Variants in SLC9A8 observed in about 807,000 individuals in gnomAD.
The protein encoded by SLC9A8 is sodium/hydrogen exchanger 8.
A neutral mutation model predicts 66.6 loss-of-function variants in SLC9A8; 48 were observed. That is an observed-to-expected ratio of 0.72 (90% CI 0.57 to 0.92). The LOEUF is 0.92. SLC9A8 is among the 40% of genes least tolerant of loss of function. SLC9A8 has a pLI of 0.00. For synonymous variants in SLC9A8, 274 were observed against 282.6 expected (o/e 0.97, Z 0.31); for missense variants, 599 against 747.3 (o/e 0.80, Z 2.31).
chr20:49,849,306 C>T (rs73271120), intron 5 of SLC9A8, among the ~76,000 whole-genome samples: 2,756 of 152,088 alleles, frequency 0.018, 80 homozygotes, highest in African/African-American at 0.059. Context: ...TCTGGAAAGA[C>T]GGGAGAGTGG....
rs778911260 is a variant in SLC9A8 at position 49,855,548 on chromosome 20, T to A, written c.680T>A (p.Ile227Asn). ...VLNMLVFGES[I>N]LNDAVSIVLT... ...AACATGCTGGTCTTTGGAGAAAGTA[T>A]TCTCAACGATGCAGTCTCCATTGTT... Residue 227 changes from isoleucine to asparagine, a missense_variant, in exon 8 of 16, where the codon ATT (isoleucine) becomes AAT (asparagine). By Grantham distance (149) the Ile-to-Asn change is moderately radical. Around this residue, in one of 2 missense-constraint regions of SLC9A8, gnomAD observed 467 missense variants for 626.5 expected, o/e 0.75. Transcript: ENST00000361573. 8 of 1,614,098 alleles carry A rather than the reference T, an allele frequency of 5.0e-6. No individual in the cohort carries two copies. The highest frequency in any genetic ancestry group is 1.7e-5 in the Admixed American group (1 of 60,012).
intron 3 of SLC9A8, among the ~76,000 whole-genome samples, chr20:49,828,131 A>C (rs1283137405): frequency 7.6e-6 from 1 of 132,294 alleles, no homozygotes; most frequent in Non-Finnish European, 1.5e-5. Context: ...CCCAGGCTGG[A>C]GTGCAATGGC....
chr20:49,824,444 A>G lies in SLC9A8; in HGVS notation c.289+1303A>G, dbSNP rs140050327. 4.5e-3 allele frequency among the ~76,000 whole-genome samples: 685 copies of G among 152,320 alleles called. 8 individuals carry two copies. Among genetic ancestry groups the G allele is most frequent in the African/African-American group, 0.016 (661 of 41,574 alleles). ...TGACTAATACCCATAATTCTGGGAC[A>G]TTCGGTAAAGGCTCTAAGAACTACT... On this transcript the variant is annotated intron_variant, in intron 3 of 15. Transcript: ENST00000361573.
In SLC9A8 at chr20:49,887,953, T is replaced by C; in HGVS notation, c.*17T>C. 2.5e-6 allele frequency: 4 copies of C among 1,601,500 alleles called. No homozygotes were observed. On this transcript the variant is annotated 3_prime_UTR_variant, in exon 16 of 16. Transcript: ENST00000361573. ...CTGCTCTGACGCCAGGTGCCAAGGC[T>C]TCAGGCAGGCAGGCCCAGGATGGGC...
At chr20:49,831,905 T>A (rs1247007623) in intron 3 of SLC9A8, among the ~76,000 whole-genome samples, 1 of 152,164 alleles carries the variant, frequency 6.6e-6, no homozygotes, top group South Asian at 2.1e-4. Context: ...AGTGGGCGCT[T>A]GCCCCGCCCT....
At chr20:49,823,638 T>C (rs2086820109) in intron 3 of SLC9A8, among the ~76,000 whole-genome samples, 1 of 152,096 alleles carries the variant, frequency 6.6e-6, no homozygotes, top group East Asian at 1.9e-4. Flanking sequence ...CTGTTTTGTT[T>C]CCTGTGCCAA....
chr20:49,846,680 G>A (rs1323577250), intron 5 of SLC9A8, among the ~76,000 whole-genome samples: 2 of 152,042 alleles, frequency 1.3e-5, no homozygotes, highest in African/African-American at 2.4e-5. Context: ...TTGAGAGGCC[G>A]AGGTGGGTGG....
At chr20:49,864,241 C>T (rs1254675438) in intron 9 of SLC9A8, among the ~76,000 whole-genome samples, 1 of 152,152 alleles carries the variant, frequency 6.6e-6, no homozygotes, top group Admixed American at 6.5e-5. Flanking sequence ...AACAGGGCCT[C>T]GAACCTCAGT....
At chr20:49,818,474 A>G (rs952062646) in intron 2 of SLC9A8, among the ~76,000 whole-genome samples, 1 of 147,502 alleles carries the variant, frequency 6.8e-6, no homozygotes, top group African/African-American at 2.5e-5. Flanking sequence ...ATATCCAAAC[A>G]TTGAATTTTT....
chr20:49,867,019 G>A (rs1038373052), intron 10 of SLC9A8, among the ~76,000 whole-genome samples: 3 of 152,142 alleles, frequency 2.0e-5, no homozygotes, highest in Non-Finnish European at 4.4e-5. Flanking sequence ...TGGAGCATAT[G>A]AAACATAGAA....
At position 49,884,259 on chromosome 20, in the gene SLC9A8, G is replaced by GACACACACAC. The variant is rs57704874; in HGVS notation, c.1491+198_1491+207dup. ...ACACACACGACACACACACACACAC[G>GACACACACAC]ACACACACACACACGACACACACAC... On this transcript the variant is annotated intron_variant, in intron 14 of 15. Transcript: ENST00000361573. 4.5e-4 allele frequency: 59 copies of GACACACACAC among 130,234 alleles called. 2 individuals are homozygous for GACACACACAC. The highest frequency in any genetic ancestry group is 3.3e-3 in the African/African-American group (25 of 7,636). 8.1% of individuals were successfully genotyped at this position (130,234 alleles called of 1,614,324 possible).
At chr20:49,884,274 G>GACACACACACACACAACACACAC (rs1202309628) in intron 14 of SLC9A8, 1 of 115,000 alleles carries the variant, frequency 8.7e-6, no homozygotes, top group Non-Finnish European at 1.6e-5. Context: ...ACACACACAC[G>GACACACACACACACAACACACAC]ACACACACAC....
chr20:49,850,148 A>G (rs117431179), intron 6 of SLC9A8, among the ~76,000 whole-genome samples: 2,440 of 152,302 alleles, frequency 0.016, 27 homozygotes, highest in East Asian at 0.035. Context: ...TCTTCACTCA[A>G]TTCTAAGCTG....
chr20:49,881,024 T>C lies in SLC9A8; in HGVS notation c.1259T>C (p.Met420Thr). The C allele has an allele frequency of 6.2e-7, 1 of 1,609,444 alleles. No homozygotes were observed. ...ATCACACCGAAGATGATGTTCATCA[T>C]GTGGTTTAGTGGTAAGTCAAATCTT... ...HKITPKMMFI[M>T]WFSGLRGAIP... The change falls in exon 13 of 16, where the codon ATG (methionine) becomes ACG (threonine). Residue 420 changes from methionine (M) to threonine (T), a missense_variant. Transcript: ENST00000361573.
rs976764956 is a variant in SLC9A8 at position 49,888,042 on chromosome 20, A to G, written c.*106A>G. Reference sequence around the variant, plus strand: ...GATGCGTGCATCCAGCAGCCCCTTCAAGACATAAGAGGGCGGGGCGAGGTA... The same window carrying G: ...GATGCGTGCATCCAGCAGCCCCTTCGAGACATAAGAGGGCGGGGCGAGGTA... On this transcript the variant is annotated 3_prime_UTR_variant, in exon 16 of 16. Transcript: ENST00000361573. The G allele has an allele frequency of 1.7e-5, 15 of 882,198 alleles. No individual in the cohort carries two copies. In the Admixed American group the frequency reaches 2.2e-4, roughly 13 times the overall value. The allele number at this position is 882,198 out of a possible 1,614,324, so 54.6% of individuals were successfully genotyped here.
chr20:49,854,213 CAGGG>C (rs769593775), intron 7 of SLC9A8, among the ~76,000 whole-genome samples: 11 of 152,188 alleles, frequency 7.2e-5, no homozygotes, highest in Non-Finnish European at 1.3e-4. Flanking sequence ...CACCAAAGGG[CAGGG>C]AGAGTGAATT....
chr20:49,886,724 C>T lies in SLC9A8; in HGVS notation c.1492-28C>T, dbSNP rs370942826. The T allele has an allele frequency of 6.0e-4, 965 of 1,602,370 alleles. No homozygotes were observed. The highest frequency in any genetic ancestry group is 7.7e-4 in the Non-Finnish European group (903 of 1,173,174). On this transcript the variant is annotated intron_variant, in intron 14 of 15. Coordinates refer to ENST00000361573, the MANE Select transcript of SLC9A8 (RefSeq NM_015266.3). The surrounding 1 kb of genome is among the most constrained non-coding windows in gnomAD (Gnocchi z 4.8). ...CCCCCCGATGGTGCCAGCTGGTGGC[C>T]GTCGGGCCGCCTTTCCTCCCTGCTC...
chr20:49,825,184 T>A (rs1256337754), intron 3 of SLC9A8, among the ~76,000 whole-genome samples: 2 of 152,076 alleles, frequency 1.3e-5, no homozygotes, highest in Non-Finnish European at 2.9e-5. Flanking sequence ...TTATATGAGA[T>A]AATAAACATC....
intron 3 of SLC9A8, among the ~76,000 whole-genome samples, chr20:49,839,333 A>G (rs2087670265): frequency 6.6e-6 from 1 of 152,108 alleles, no homozygotes; most frequent in Non-Finnish European, 1.5e-5. Flanking sequence ...TGACTTTTGT[A>G]TTTCATTTTA....
Sources: gnomAD v4.1 joint callset for allele counts (sites outside exome capture counted in the v4.1 genomes callset) on GRCh38, gnomAD v4.1.1 for gene constraint, gnomAD v4.1.1 regional missense constraint, Gnocchi (gnomAD v3.1) non-coding constraint, MANE v1.5 for transcripts, NCBI Gene and HGNC (gene_info 2026-07-23, HGNC 2026-07-21) for gene names.